Variants in GLDC observed in about 807,000 individuals in gnomAD.
GLDC encodes glycine dehydrogenase (decarboxylating), mitochondrial.
GLDC carries 104 observed loss-of-function variants against 121.3 expected under a neutral mutation model. The observed-to-expected ratio is 0.86, with a 90% CI of 0.73 to 1.01. The LOEUF (loss-of-function observed/expected upper bound fraction) is 1.01, where lower values mean the gene tolerates loss of function less well. Ranked by LOEUF, GLDC falls within the 50% of genes least tolerant of loss-of-function variation. GLDC has a pLI of 0.00. For missense variants in GLDC, 1,429 were observed against 1,306.6 expected (o/e 1.09, Z -1.44); for synonymous variants, 546 against 480.6 (o/e 1.14, Z -1.78).
chr9:6,629,835 C>T (rs914690859), intron 2 of GLDC, among the ~76,000 whole-genome samples: 1 of 149,426 alleles, frequency 6.7e-6, no homozygotes, highest in Non-Finnish European at 1.5e-5. Flanking sequence ...ATATGTGCAT[C>T]TGTTTATATA....
chr9:6,627,981 G>C (rs1819280805), intron 2 of GLDC, among the ~76,000 whole-genome samples: 1 of 152,192 alleles, frequency 6.6e-6, no homozygotes, highest in South Asian at 2.1e-4. Flanking sequence ...TGTCAAGATA[G>C]CAATAGATGC....
chr9:6,595,872 G>GTACA (rs1460072627), intron 8 of GLDC, among the ~76,000 whole-genome samples: 1 of 152,158 alleles, frequency 6.6e-6, no homozygotes, highest in African/African-American at 2.4e-5. Flanking sequence ...ATTTTGTTAG[G>GTACA]TACATCTTTT....
At position 6,604,737 on chromosome 9, in the gene GLDC, C is replaced by T. The variant is rs1252308728; in HGVS notation, c.909G>A (p.Arg303=). Residue 303 remains arginine (R), a synonymous_variant, in exon 7 of 25, where the codon AGG becomes AGA. Coordinates refer to ENST00000321612, the MANE Select transcript of GLDC (RefSeq NM_000170.3). ...TGTCTACCCCAAATTCTCCAGGTGG[C>T]CTCAAGATGCACAAAGCTAAAAGGT... ...ATDLLALCIL[R]PPGEFGVDIA... The T allele has an allele frequency of 1.2e-6, 2 of 1,614,162 alleles. No homozygotes were observed. The highest frequency in any genetic ancestry group is 1.7e-5 in the Admixed American group (1 of 60,024).
At chr9:6,577,346 G>T (rs2129798643) in intron 15 of GLDC, among the ~76,000 whole-genome samples, 1 of 152,354 alleles carries the variant, frequency 6.6e-6, no homozygotes, top group South Asian at 2.1e-4. Flanking sequence ...GGATAGAGGT[G>T]CCGCTAGGGC....
At chr9:6,546,104 T>G (rs1304845265) in intron 21 of GLDC, among the ~76,000 whole-genome samples, 2 of 152,224 alleles carry the variant, frequency 1.3e-5, no homozygotes, top group East Asian at 3.8e-4. Context: ...TTTTTACTTT[T>G]TAAACTTTTT....
In GLDC at chr9:6,562,561, A is replaced by G. The variant is rs116533778; in HGVS notation, c.1926+2793T>C. Reference sequence around the variant, plus strand: ...CTAACTAAGAAAGTTGGCTTTAATTAAAAAAAATTTTTTTTTGAGAGGGAG... The same window carrying G: ...CTAACTAAGAAAGTTGGCTTTAATTGAAAAAAATTTTTTTTTGAGAGGGAG... On this transcript the variant is annotated intron_variant, in intron 16 of 24. Coordinates refer to ENST00000321612, the MANE Select transcript of GLDC (RefSeq NM_000170.3). Among the ~76,000 whole-genome samples the G allele has an allele frequency of 6.5e-3, 982 of 152,144 alleles. 15 individuals carry two copies. The highest frequency in any genetic ancestry group is 0.023 in the African/African-American group (942 of 41,538).
intron 2 of GLDC, among the ~76,000 whole-genome samples, chr9:6,641,429 T>A (rs1028297300): frequency 3.3e-5 from 5 of 152,162 alleles, no homozygotes; most frequent in Non-Finnish European, 7.3e-5. Flanking sequence ...ATATTCCAGG[T>A]GAGTCAGGAC....
chr9:6,534,420 G>A (rs1016284803), intron 24 of GLDC, among the ~76,000 whole-genome samples: 19 of 150,208 alleles, frequency 1.3e-4, no homozygotes, highest in African/African-American at 7.6e-5. Flanking sequence ...TGCACTGGGC[G>A]CCATCTCCCT....
At chr9:6,633,955 G>T (rs1050464980) in intron 2 of GLDC, among the ~76,000 whole-genome samples, 3 of 144,158 alleles carry the variant, frequency 2.1e-5, no homozygotes, top group African/African-American at 5.2e-5. Flanking sequence ...TCAGCCTCCC[G>T]AGTAGCTGGG....
Position 6,645,658 on chromosome 9 carries a change from T to C in GLDC, c.-159A>G. On this transcript the variant is annotated 5_prime_UTR_variant, in exon 1 of 25. Coordinates refer to ENST00000321612, the MANE Select transcript of GLDC (RefSeq NM_000170.3). ...TGGATGGACGCTCGCGGGCAATGAA[T>C]GGGCGCTGCGCTCAACCAAGACACT... 1 of 415,872 alleles carries C rather than the reference T, an allele frequency of 2.4e-6. No individual in the cohort carries two copies. Among genetic ancestry groups the C allele is most frequent in the Non-Finnish European group, 3.8e-6 (1 of 265,010 alleles). The allele number at this position is 415,872 out of a possible 1,614,324, so 25.8% of individuals were successfully genotyped here.
chr9:6,558,626 C>CCT lies in GLDC; in HGVS notation c.1983_1984dup (p.Gly662GlufsTer3). ...CACCTCCACAGGCTGAATCTTCATG[C>CCT]CTGCCATGTGGGCACTTGCTGGGTT... On this transcript the variant is annotated frameshift_variant, in exon 17 of 25. Transcript: ENST00000321612. LOFTEE classifies it high-confidence loss of function. The CCT allele has an allele frequency of 6.2e-7, 1 of 1,614,130 alleles. No homozygotes were observed. Among genetic ancestry groups the CCT allele is most frequent in the Non-Finnish European group, 8.5e-7 (1 of 1,179,958 alleles).
intron 15 of GLDC, 83 bp from the exon 16 acceptor site, chr9:6,565,512 G>C: frequency 1.9e-6 from 2 of 1,028,238 alleles, no homozygotes; most frequent in African/African-American, 1.6e-5. Context: ...GCCCTGGCCA[G>C]GGGTTCACCA....
At chr9:6,534,925 C>T (rs1034170248) in intron 23 of GLDC, 137 bp from the exon 24 acceptor site, 14 of 681,260 alleles carry the variant, frequency 2.1e-5, no homozygotes, top group African/African-American at 1.8e-4. Context: ...TAGGGGGGTA[C>T]AATGTGATTT....
intron 2 of GLDC, among the ~76,000 whole-genome samples, chr9:6,636,442 G>C (rs150376003): frequency 4.3e-4 from 65 of 152,286 alleles, no homozygotes; most frequent in African/African-American, 1.5e-3. Context: ...AATCTTTGTA[G>C]CTTTCACTCA....
intron 24 of GLDC, 22 bp from the exon 25 acceptor site, chr9:6,533,182 A>G: frequency 1.2e-6 from 2 of 1,612,270 alleles, no homozygotes; most frequent in Non-Finnish European, 1.7e-6. Context: ...AAAAGATGGA[A>G]ATGCTGTGAG....
At position 6,565,359 on chromosome 9, in the gene GLDC, T is replaced by C. The variant is rs1817835598; in HGVS notation, c.1921A>G (p.Arg641Gly). The part of the protein sequence containing the change: ...AYLNQKGEGH[R>G]TVCLIPKSAH... ...CCACCTCCTGCCATACTCACCGTTC[T>C]GTGCCCCTCTCCTTTCTGGTTTAAG... The change falls in exon 16 of 25, where the codon AGA becomes GGA. Residue 641 changes from arginine to glycine, a missense_variant. Arg to Gly is a moderately radical substitution (Grantham distance 125, BLOSUM62 -2). Coordinates refer to ENST00000321612, the MANE Select transcript of GLDC (RefSeq NM_000170.3). The C allele has an allele frequency of 6.2e-7, 1 of 1,611,632 alleles. No individual in the cohort carries two copies. The highest frequency in any genetic ancestry group is 1.3e-5 in the African/African-American group (1 of 74,896).
rs765906340 is a variant in GLDC at position 6,558,558 on chromosome 9, C to T, written c.2052+1G>A. 1 of 1,614,204 alleles carries T rather than the reference C, an allele frequency of 6.2e-7. No individual in the cohort carries two copies. The highest frequency in any genetic ancestry group is 8.5e-7 in the Non-Finnish European group (1 of 1,180,034). Reference sequence around the variant, plus strand: ...CCATCTGCTAAGGAGAAGACAAGTACCATGGCCTTGAGGTGAACTGCATCG... The same window carrying T: ...CCATCTGCTAAGGAGAAGACAAGTATCATGGCCTTGAGGTGAACTGCATCG... On this transcript the variant is annotated splice_donor_variant, in intron 17 of 24. Transcript: ENST00000321612. LOFTEE classifies it high-confidence loss of function.
intron 3 of GLDC, among the ~76,000 whole-genome samples, chr9:6,614,233 T>C (rs1479391732): frequency 6.6e-6 from 1 of 151,924 alleles, no homozygotes; most frequent in Non-Finnish European, 1.5e-5. Context: ...CACTGGCTTT[T>C]GGTTTTTGTT....
intron 9 of GLDC, among the ~76,000 whole-genome samples, chr9:6,594,058 C>G (rs1444538360): frequency 6.6e-6 from 1 of 152,116 alleles, no homozygotes; most frequent in Non-Finnish European, 1.5e-5. Flanking sequence ...CTCCTGGCCT[C>G]AAGCAATCCT....
Sources: allele counts gnomAD v4.1 joint callset (sites outside exome capture counted in the v4.1 genomes callset), GRCh38; gene constraint gnomAD v4.1.1; transcripts MANE v1.5; gene names NCBI Gene and HGNC (gene_info 2026-07-23, HGNC 2026-07-21).